The following CELF2 variants were observed in gnomAD, a reference collection of about 807,000 sequenced individuals.
CELF2 encodes the protein CUGBP Elav-like family member 2.
A neutral mutation model predicts 62.6 loss-of-function variants in CELF2; 8 were observed. The ratio of observed to expected loss-of-function variants is 0.13; its 90% CI spans 0.07 to 0.23. CELF2 has a LOEUF of 0.23. Ranked by LOEUF, CELF2 falls within the 10% of genes least tolerant of loss-of-function variation. The pLI is 1.00. For synonymous variants in CELF2, 258 were observed against 250.0 expected (o/e 1.03, Z -0.30); for missense variants, 333 against 671.0 (o/e 0.50, Z 5.56).
chr10:10,912,579 A>G (rs922451589), intron 1 of CELF2, among the ~76,000 whole-genome samples: 34 of 152,188 alleles, frequency 2.2e-4, no homozygotes, highest in Non-Finnish European at 2.2e-4. Flanking sequence ...CATATTGGCC[A>G]GGGTGGTCTT....
the CELF2 span, among the ~76,000 whole-genome samples, chr10:10,536,616 C>T: frequency 9.2e-5 from 14 of 152,178 alleles, no homozygotes; most frequent in Non-Finnish European, 1.6e-4. Flanking sequence ...TGACTCTTGG[C>T]CCAGAATGTC....
intron 2 of CELF2, among the ~76,000 whole-genome samples, chr10:11,201,840 G>A (rs778383407): frequency 5.3e-5 from 8 of 152,172 alleles, no homozygotes; most frequent in Non-Finnish European, 8.8e-5. Flanking sequence ...TCATCTTCAG[G>A]AACATTTGGG....
chr10:11,229,950 A>G (rs1022834380), intron 3 of CELF2, among the ~76,000 whole-genome samples: 1 of 152,184 alleles, frequency 6.6e-6, no homozygotes, highest in Non-Finnish European at 1.5e-5. Context: ...AACTTCTGTT[A>G]AGAGAATGAA....
intron 2 of CELF2, among the ~76,000 whole-genome samples, chr10:10,927,709 G>A (rs918136174): frequency 1.4e-4 from 21 of 152,030 alleles, no homozygotes; most frequent in Admixed American, 6.6e-4. Context: ...GATTACAGGC[G>A]TGAGGTACCA....
At chr10:11,174,035 A>T (rs1414601256) in intron 2 of CELF2, among the ~76,000 whole-genome samples, 1 of 152,230 alleles carries the variant, frequency 6.6e-6, no homozygotes, top group Non-Finnish European at 1.5e-5. Flanking sequence ...ACATGAGGTT[A>T]TCTGAGTGAT....
the CELF2 span, among the ~76,000 whole-genome samples, chr10:10,716,199 T>A: frequency 2.6e-5 from 4 of 152,188 alleles, no homozygotes; most frequent in Non-Finnish European, 5.9e-5. Flanking sequence ...CCTAAAGACA[T>A]GAGTCAAATA....
intron 3 of CELF2, among the ~76,000 whole-genome samples, chr10:11,239,924 G>A (rs932512857): frequency 6.6e-6 from 1 of 152,084 alleles, no homozygotes; most frequent in African/African-American, 2.4e-5. Flanking sequence ...CCTGGTGCAG[G>A]CGCCTGTAAT....
chr10:11,147,206 A>T (rs557751999), intron 1 of CELF2, among the ~76,000 whole-genome samples: 9 of 152,154 alleles, frequency 5.9e-5, no homozygotes, highest in Admixed American at 1.3e-4. Context: ...ATTCAAGAGA[A>T]ACTGCTACTT....
At chr10:10,590,850 A>G in the CELF2 span, among the ~76,000 whole-genome samples, 1 of 152,184 alleles carries the variant, frequency 6.6e-6, no homozygotes, top group African/African-American at 2.4e-5. Flanking sequence ...TTTGTCCGTC[A>G]AAACTTATTT....
chr10:10,568,890 T>C, the CELF2 span, among the ~76,000 whole-genome samples: 6 of 152,260 alleles, frequency 3.9e-5, no homozygotes, highest in East Asian at 1.2e-3. Context: ...CCTATGGCCA[T>C]AAATCTGAAC....
At chr10:10,727,915 C>A in the CELF2 span, among the ~76,000 whole-genome samples, 28 of 151,934 alleles carry the variant, frequency 1.8e-4, no homozygotes, top group African/African-American at 6.3e-4. Flanking sequence ...CTACAATAAG[C>A]CTGGCACGGA....
At chr10:10,674,667 C>A in the CELF2 span, among the ~76,000 whole-genome samples, 2 of 152,246 alleles carry the variant, frequency 1.3e-5, no homozygotes, top group African/African-American at 4.8e-5. Context: ...ATTTTCTCTC[C>A]TTTCTTAGAA....
intron 3 of CELF2, among the ~76,000 whole-genome samples, chr10:11,228,718 CAAAAAAAAAAAAAAA>C (rs56167230): frequency 1.5e-5 from 2 of 135,166 alleles, no homozygotes; most frequent in Non-Finnish European, 1.6e-5. Context: ...GCGCCCCTCG[CAAAAAAAAAAAAAAA>C]AAAAAAAAAA....
the CELF2 span, among the ~76,000 whole-genome samples, chr10:10,530,008 G>T: frequency 1.4e-4 from 22 of 152,280 alleles, no homozygotes; most frequent in Middle Eastern, 0.01. Context: ...GATGAGAGGT[G>T]TACTCATTGA....
At chr10:11,293,170 A>T (rs2092739427) in intron 9 of CELF2, among the ~76,000 whole-genome samples, 1 of 152,184 alleles carries the variant, frequency 6.6e-6, no homozygotes, top group Non-Finnish European at 1.5e-5. Flanking sequence ...TATTCTTGCA[A>T]GCTTCTCTAC....
chr10:11,245,642 C>T (rs1213525518), intron 3 of CELF2, among the ~76,000 whole-genome samples: 3 of 152,178 alleles, frequency 2.0e-5, no homozygotes, highest in South Asian at 2.1e-4. Flanking sequence ...AAGAGTCTTA[C>T]GGCAGCACAA....
At chr10:11,252,682 T>C (rs1022757885) in intron 4 of CELF2, among the ~76,000 whole-genome samples, 2 of 152,198 alleles carry the variant, frequency 1.3e-5, no homozygotes, top group Non-Finnish European at 2.9e-5. Context: ...CCATTGGCTC[T>C]GATTTAAGCT....
chr10:11,269,407 G>A lies in CELF2; in HGVS notation c.619-1259G>A, dbSNP rs182954941. Reference sequence around the variant, plus strand: ...AACTGCATCCCCAGTAACTACCCAAGGTGATAAGGAAAAAAATGCGTTTGT... The same window carrying A: ...AACTGCATCCCCAGTAACTACCCAAAGTGATAAGGAAAAAAATGCGTTTGT... On this transcript the variant is annotated intron_variant, in intron 6 of 12. Transcript: ENST00000633077. The surrounding 1 kb of genome is among the most constrained non-coding windows in gnomAD (Gnocchi z 4.4). Among the ~76,000 whole-genome samples the A allele has an allele frequency of 6.6e-6, 1 of 151,728 alleles. No homozygotes were observed. The highest frequency in any genetic ancestry group is 2.1e-4 in the South Asian group (1 of 4,802).
intron 1 of CELF2, among the ~76,000 whole-genome samples, chr10:11,047,365 A>T (rs1486137125): frequency 6.6e-6 from 1 of 152,158 alleles, no homozygotes; most frequent in African/African-American, 2.4e-5. Flanking sequence ...CTCTATGGCA[A>T]AAAGAACGCA....
Sources: allele counts gnomAD v4.1 joint callset (sites outside exome capture counted in the v4.1 genomes callset), GRCh38; gene constraint gnomAD v4.1.1; non-coding constraint Gnocchi (gnomAD v3.1); transcripts MANE v1.5; gene names NCBI Gene and HGNC (gene_info 2026-07-23, HGNC 2026-07-21).